Variants in PTPRD observed in about 807,000 individuals in gnomAD.
PTPRD encodes the protein receptor-type tyrosine-protein phosphatase delta.
A neutral mutation model predicts 214.5 loss-of-function variants in PTPRD; 34 were observed. The ratio of observed to expected loss-of-function variants is 0.16; its 90% CI spans 0.12 to 0.21. The LOEUF (loss-of-function observed/expected upper bound fraction) is 0.21. Among genes scored for constraint, PTPRD ranks in the 10% least tolerant of loss-of-function variants. PTPRD has a pLI of 1.00. For synonymous variants in PTPRD, 1,128 were observed against 845.7 expected (o/e 1.33, Z -5.79); for missense variants, 2,545 against 2,398.7 (o/e 1.06, Z -1.27).
intron 3 of PTPRD, among the ~76,000 whole-genome samples, chr9:10,275,784 A>T (rs1214862490): frequency 6.6e-6 from 1 of 152,212 alleles, no homozygotes; most frequent in Non-Finnish European, 1.5e-5. Context: ...TAGAGGCAGG[A>T]AATGGTGGAG....
intron 4 of PTPRD, among the ~76,000 whole-genome samples, chr9:10,007,656 GC>G (rs1275367029): frequency 2.0e-5 from 3 of 151,938 alleles, no homozygotes; most frequent in Admixed American, 2.0e-4. Flanking sequence ...TATGAGAGAG[GC>G]AAAATTTTGT....
At chr9:9,291,583 T>A (rs1257203891) in intron 9 of PTPRD, among the ~76,000 whole-genome samples, 1 of 151,444 alleles carries the variant, frequency 6.6e-6, no homozygotes, top group Non-Finnish European at 1.5e-5. Flanking sequence ...CTTGTTAATA[T>A]GTTATTAAAT....
At chr9:10,100,999 G>A (rs532733023) in intron 3 of PTPRD, among the ~76,000 whole-genome samples, 6 of 151,578 alleles carry the variant, frequency 4.0e-5, no homozygotes, top group Admixed American at 6.6e-5. Context: ...TTTCAAGTTG[G>A]CATTATAATT....
chr9:9,057,634 A>G (rs1158546339), intron 10 of PTPRD, among the ~76,000 whole-genome samples: 1 of 152,176 alleles, frequency 6.6e-6, no homozygotes, highest in Non-Finnish European at 1.5e-5. Context: ...AATTTCTCGT[A>G]AAGTACATCC....
Position 9,177,932 on chromosome 9 carries a change from T to C in PTPRD, c.-143+5372A>G, listed in dbSNP as rs150839191. On this transcript the variant is annotated intron_variant, in intron 10 of 45. Transcript: ENST00000381196. ...CTATTTGATACATGGTATTTAATTG[T>C]AGGCATCAATTTGAAACATGAAATA... is the stretch of plus-strand genomic sequence containing the variant. Among the ~76,000 whole-genome samples the C allele has an allele frequency of 3.8e-3, 574 of 152,250 alleles. 5 individuals carry two copies. Among genetic ancestry groups the C allele is most frequent in the African/African-American group, 0.013 (552 of 41,558 alleles).
intron 11 of PTPRD, among the ~76,000 whole-genome samples, chr9:9,004,682 C>T (rs1446267681): frequency 3.3e-5 from 5 of 151,932 alleles, no homozygotes; most frequent in Non-Finnish European, 2.9e-5. Context: ...AGAATGAGGG[C>T]AAAACTGCCT....
chr9:8,742,779 A>C (rs1466673981), intron 11 of PTPRD, among the ~76,000 whole-genome samples: 1 of 152,214 alleles, frequency 6.6e-6, no homozygotes, highest in Non-Finnish European at 1.5e-5. Context: ...ATGATAGCTC[A>C]AAGAAAACTA....
At chr9:9,608,885 G>GT (rs2094347786) in intron 7 of PTPRD, among the ~76,000 whole-genome samples, 1 of 152,114 alleles carries the variant, frequency 6.6e-6, no homozygotes, top group African/African-American at 2.4e-5. Flanking sequence ...TTCATATGCA[G>GT]TCTCCAACAC....
chr9:8,605,630 A>C (rs923850919), intron 14 of PTPRD, among the ~76,000 whole-genome samples: 1 of 152,158 alleles, frequency 6.6e-6, no homozygotes, highest in African/African-American at 2.4e-5. Flanking sequence ...GATAATATAA[A>C]ACTTTCAAGA....
At chr9:10,267,308 A>G (rs1158112638) in intron 3 of PTPRD, among the ~76,000 whole-genome samples, 1 of 152,124 alleles carries the variant, frequency 6.6e-6, no homozygotes, top group Non-Finnish European at 1.5e-5. Context: ...TATACAAATT[A>G]TAGGCACTTA....
At chr9:10,481,710 CTA>C (rs1381015889) in intron 2 of PTPRD, among the ~76,000 whole-genome samples, 20 of 152,236 alleles carry the variant, frequency 1.3e-4, no homozygotes, top group Non-Finnish European at 2.1e-4. Flanking sequence ...CATAGGTATG[CTA>C]TAGAGTGAAA....
At chr9:9,998,239 C>G (rs185686154) in intron 4 of PTPRD, among the ~76,000 whole-genome samples, 1 of 150,904 alleles carries the variant, frequency 6.6e-6, no homozygotes, top group African/African-American at 2.4e-5. Flanking sequence ...CAGAACTGCC[C>G]TCGGAGGTGG....
At chr9:10,607,639 A>T (rs955346909) in intron 2 of PTPRD, among the ~76,000 whole-genome samples, 1 of 151,904 alleles carries the variant, frequency 6.6e-6, no homozygotes. Flanking sequence ...CTGCAACTCA[A>T]ATATTCCTAT....
chr9:9,947,512 A>T (rs368684569), intron 4 of PTPRD, among the ~76,000 whole-genome samples: 8,573 of 35,032 alleles, frequency 0.24, 1,634 homozygotes, highest in East Asian at 0.78. Context: ...TTATATATAT[A>T]ATATATATAT....
At chr9:9,636,036 C>A (rs1487954429) in intron 7 of PTPRD, among the ~76,000 whole-genome samples, 1 of 152,164 alleles carries the variant, frequency 6.6e-6, no homozygotes, top group East Asian at 1.9e-4. Context: ...CATCTAAATG[C>A]AAAGACCCAT....
chr9:9,418,186 C>T (rs1482550707), intron 8 of PTPRD, among the ~76,000 whole-genome samples: 4 of 151,956 alleles, frequency 2.6e-5, no homozygotes, highest in African/African-American at 9.7e-5. Context: ...CCTCTGGGTG[C>T]CTGGCAAAGT....
At chr9:9,889,809 GTGTA>G (rs1456104261) in intron 5 of PTPRD, among the ~76,000 whole-genome samples, 1 of 143,072 alleles carries the variant, frequency 7.0e-6, no homozygotes, top group Non-Finnish European at 1.5e-5. Context: ...GTGTGTGTGT[GTGTA>G]TGTGTGTGTG....
intron 14 of PTPRD, among the ~76,000 whole-genome samples, chr9:8,613,161 T>C (rs1340066254): frequency 6.6e-6 from 1 of 152,162 alleles, no homozygotes; most frequent in Non-Finnish European, 1.5e-5. Context: ...TTCCAACACA[T>C]AACAGGTATT....
Position 10,059,937 on chromosome 9 carries a change from T to C in PTPRD, c.-544-26147A>G, listed in dbSNP as rs142492132. Among the ~76,000 whole-genome samples, 647 of 152,178 alleles carry C rather than the reference T, an allele frequency of 4.3e-3. 6 individuals carry two copies. The highest frequency in any genetic ancestry group is 0.015 in the African/African-American group (607 of 41,568). On this transcript the variant is annotated intron_variant, in intron 3 of 45. Transcript: ENST00000381196. ...CTCAAAATATTGCTGCATTCAGAGA[T>C]AAAAATGTAAGTAAGATTATTATAT...
Sources: gnomAD v4.1 joint callset for allele counts (sites outside exome capture counted in the v4.1 genomes callset) on GRCh38, gnomAD v4.1.1 for gene constraint, MANE v1.5 for transcripts, NCBI Gene and HGNC (gene_info 2026-07-23, HGNC 2026-07-21) for gene names.